Variants in CCNT2 observed in about 807,000 individuals in gnomAD.
CCNT2 encodes cyclin T2.
Under a neutral mutation model 70.0 loss-of-function variants are expected in CCNT2, and 18 were observed. The observed-to-expected ratio is 0.26, with a 90% CI of 0.18 to 0.38. CCNT2 has a LOEUF of 0.38. Ranked by LOEUF, CCNT2 falls within the 10% of genes least tolerant of loss-of-function variation. The probability of loss-of-function intolerance (pLI) is 1.00; values close to 1 mark genes in which losing one functional copy is unlikely to be tolerated. For missense variants in CCNT2, 734 were observed against 890.2 expected (o/e 0.82, Z 2.23); for synonymous variants, 334 against 313.3 (o/e 1.07, Z -0.70).
At chr2:134,947,342 T>C (rs1476189858) in intron 6 of CCNT2, among the ~76,000 whole-genome samples, 1 of 152,220 alleles carries the variant, frequency 6.6e-6, no homozygotes, top group Non-Finnish European at 1.5e-5. Flanking sequence ...ATTTTACAAA[T>C]AGTTTTTATC....
intron 2 of CCNT2, among the ~76,000 whole-genome samples, chr2:134,921,856 T>C (rs1003422661): frequency 9.9e-5 from 15 of 151,186 alleles, no homozygotes; most frequent in African/African-American, 3.5e-4. Context: ...TTTAATGTCT[T>C]ATTGTGTATG....
chr2:134,920,333 A>G (rs1193907524), intron 2 of CCNT2: 1 of 152,486 alleles, frequency 6.6e-6, no homozygotes, highest in Non-Finnish European at 1.5e-5. Flanking sequence ...GCTATTTAGT[A>G]GAAATAATTC....
Position 134,954,660 on chromosome 2 carries a change from G to T in CCNT2, c.*12G>T. On this transcript the variant is annotated 3_prime_UTR_variant, in exon 9 of 9. Transcript: ENST00000264157. Reference sequence around the variant, plus strand: ...GAATGAACATGTAATAATTTGTTTAGGTCAATTTTTCCTTTACTTTTTTAA... The same window carrying T: ...GAATGAACATGTAATAATTTGTTTATGTCAATTTTTCCTTTACTTTTTTAA... 1 of 1,538,334 alleles carries T rather than the reference G, an allele frequency of 6.5e-7. No homozygotes were observed. The highest frequency in any genetic ancestry group is 8.9e-7 in the Non-Finnish European group (1 of 1,124,566).
At chr2:134,926,772 A>G (rs1316513500) in intron 2 of CCNT2, among the ~76,000 whole-genome samples, 2 of 152,180 alleles carry the variant, frequency 1.3e-5, no homozygotes, top group Non-Finnish European at 2.9e-5. Context: ...ATTCCCTAGG[A>G]ATGGCTTGTC....
Position 134,918,954 on chromosome 2 carries a change from C to T in CCNT2, c.100C>T (p.Leu34Phe). ...RRCGVEADKE[L>F]SCRQQAANLI... is the part of the protein sequence containing the mutation. Reference sequence around the variant, plus strand: ...CTGCGGAGTGGAGGCGGATAAAGAGCTCTCGTGCCGCCAGCAGGCGGCCAA... The same window carrying T: ...CTGCGGAGTGGAGGCGGATAAAGAGTTCTCGTGCCGCCAGCAGGCGGCCAA... The change falls in exon 1 of 9, where the codon CTC becomes TTC. Residue 34 changes from leucine (L) to phenylalanine (F), a missense_variant. Leu to Phe is a conservative substitution (Grantham distance 22, BLOSUM62 0). Transcript: ENST00000264157. 1 of 1,613,936 alleles carries T rather than the reference C, an allele frequency of 6.2e-7. No individual in the cohort carries two copies. Among genetic ancestry groups the T allele is most frequent in the Non-Finnish European group, 8.5e-7 (1 of 1,179,950 alleles).
rs1230384362 is a variant in CCNT2, at chr2:134,954,952, A to G, written c.*304A>G. On this transcript the variant is annotated 3_prime_UTR_variant, in exon 9 of 9. Coordinates refer to ENST00000264157, the MANE Select transcript of CCNT2 (RefSeq NM_058241.3). ...GCTTCTAGGAATATAAGATGCCTCA[A>G]GCATTCATTATTTATGATTTGAATA... is the stretch of plus-strand genomic sequence containing the variant. 1.1e-5 allele frequency: 3 copies of G among 267,924 alleles called. No individual in the cohort carries two copies. In the East Asian group the frequency reaches 2.1e-4, roughly 19 times the overall value. 16.6% of individuals were successfully genotyped at this position (267,924 alleles called of 1,614,324 possible).
chr2:134,932,419 C>G (rs944004568), intron 2 of CCNT2, among the ~76,000 whole-genome samples: 1 of 152,142 alleles, frequency 6.6e-6, no homozygotes. Context: ...TGTAGTTACT[C>G]TATGGAAGTC....
chr2:134,920,825 G>A (rs1679845728), intron 2 of CCNT2, among the ~76,000 whole-genome samples: 1 of 152,108 alleles, frequency 6.6e-6, no homozygotes, highest in African/African-American at 2.4e-5. Context: ...AACAATCCTA[G>A]GAAAGATCCT....
intron 2 of CCNT2, among the ~76,000 whole-genome samples, chr2:134,933,420 G>C (rs189391700): frequency 1.3e-4 from 20 of 152,290 alleles, no homozygotes; most frequent in African/African-American, 4.8e-4. Flanking sequence ...GCCAGCAGCG[G>C]AGAGTGAAGA....
intron 2 of CCNT2, among the ~76,000 whole-genome samples, chr2:134,928,151 G>A (rs1020678321): frequency 3.3e-5 from 5 of 151,894 alleles, no homozygotes; most frequent in South Asian, 2.1e-4. Flanking sequence ...TAGTAGAGAC[G>A]GGGTTTCACC....
chr2:134,925,720 G>T (rs1406102379), intron 2 of CCNT2, among the ~76,000 whole-genome samples: 2 of 152,104 alleles, frequency 1.3e-5, no homozygotes, highest in East Asian at 3.9e-4. Flanking sequence ...AATATGAATA[G>T]TGCTCTTAAG....
At chr2:134,934,525 G>A (rs1259619983) in intron 2 of CCNT2, among the ~76,000 whole-genome samples, 3 of 152,200 alleles carry the variant, frequency 2.0e-5, no homozygotes, top group Non-Finnish European at 2.9e-5. Context: ...AAAAGCAGTA[G>A]TACCTAGTTT....
In CCNT2 at chr2:134,954,894, T is replaced by TG. The variant is rs1049259977; in HGVS notation, c.*247dup. The TG allele has an allele frequency of 2.4e-6, 1 of 409,566 alleles. No homozygotes were observed. The highest frequency in any genetic ancestry group is 2.0e-5 in the African/African-American group (1 of 50,542). 25.4% of individuals were successfully genotyped at this position (409,566 alleles called of 1,614,324 possible). On this transcript the variant is annotated 3_prime_UTR_variant, in exon 9 of 9. Coordinates refer to ENST00000264157, the MANE Select transcript of CCNT2 (RefSeq NM_058241.3). ...GTGCAAAACTCAGTATTTCTACAAT[T>TG]GCAGCTAAGAACATTAGGATGAATG...
intron 2 of CCNT2, among the ~76,000 whole-genome samples, chr2:134,925,519 G>A (rs1179823869): frequency 6.6e-6 from 1 of 152,104 alleles, no homozygotes; most frequent in Non-Finnish European, 1.5e-5. Flanking sequence ...GAATCCTACA[G>A]TATGTTGTCC....
intron 2 of CCNT2, among the ~76,000 whole-genome samples, chr2:134,926,742 C>T (rs1174985780): frequency 6.6e-6 from 1 of 152,144 alleles, no homozygotes; most frequent in Non-Finnish European, 1.5e-5. Flanking sequence ...CTGTTTTTTC[C>T]TCATTCGTAT....
In CCNT2 at chr2:134,944,530, A is replaced by G. The variant is rs73959223; in HGVS notation, c.494-1571A>G. On this transcript the variant is annotated intron_variant, in intron 5 of 8. Transcript: ENST00000264157. Reference sequence around the variant, plus strand: ...GACATGAAGTCAGTTTACTTGAAAAATGAAATAGTAACTTTTAAAACATTT... The same window carrying G: ...GACATGAAGTCAGTTTACTTGAAAAGTGAAATAGTAACTTTTAAAACATTT... The G allele has an allele frequency of 1.6e-3, 1,544 of 968,256 alleles. 23 individuals are homozygous for G. In the African/African-American group the frequency reaches 0.026, roughly 16 times the overall value. The allele number at this position is 968,256 out of a possible 1,614,324, so 60.0% of individuals were successfully genotyped here.
chr2:134,944,702 C>G (rs1278624550), intron 5 of CCNT2: 1 of 983,390 alleles, frequency 1.0e-6, no homozygotes, highest in Non-Finnish European at 1.2e-6. Flanking sequence ...TTTCAGGTAA[C>G]TAGAATATAT....
rs761239145 is a variant in CCNT2, at chr2:134,953,461, A to G, written c.1006A>G (p.Thr336Ala). The change falls in exon 9 of 9, where the codon ACA becomes GCA. Residue 336 changes from threonine to alanine, a missense_variant. By Grantham distance (58) the Thr-to-Ala change is moderately conservative (BLOSUM62 0). This residue lies in a region of CCNT2 where 532 missense variants were observed against 556.9 expected (regional missense o/e 0.96). Transcript: ENST00000264157. ...HTSDNLSMLA[T>A]GMPSTSYGLS... ...ATCTGATAATTTGTCAATGCTAGCA[A>G]CAGGAATGCCAAGTACTTCATACGG... 12 of 1,613,958 alleles carry G rather than the reference A, an allele frequency of 7.4e-6. No homozygotes were observed. The highest frequency in any genetic ancestry group is 3.3e-5 in the South Asian group (3 of 91,064).
At chr2:134,944,661 A>G (rs1180209556) in intron 5 of CCNT2, 1 of 981,830 alleles carries the variant, frequency 1.0e-6, no homozygotes, top group Non-Finnish European at 1.2e-6. Flanking sequence ...CAAACCATAT[A>G]TATGTTTAAT....
Sources: allele counts gnomAD v4.1 joint callset (sites outside exome capture counted in the v4.1 genomes callset), GRCh38; gene constraint gnomAD v4.1.1; regional missense constraint gnomAD v4.1.1; transcripts MANE v1.5; gene names NCBI Gene and HGNC (gene_info 2026-07-23, HGNC 2026-07-21).